The following NRXN3 variants were observed in gnomAD, a reference collection of about 807,000 sequenced individuals.
The protein encoded by NRXN3 is neurexin 3.
NRXN3 carries 32 observed loss-of-function variants against 137.6 expected under a neutral mutation model. That is an observed-to-expected ratio of 0.23 (90% CI 0.18 to 0.31). The LOEUF is 0.31. NRXN3 is among the 10% of genes least tolerant of loss of function. The pLI, the probability that NRXN3 is intolerant of heterozygous loss-of-function variation, is 1.00. For missense variants in NRXN3, 1,574 were observed against 2,062.5 expected (o/e 0.76, Z 4.59); for synonymous variants, 798 against 784.5 (o/e 1.02, Z -0.29).
In NRXN3 at chr14:78,633,251, C is replaced by CAAAAAAAAAAAAA. The variant is rs779442429; in HGVS notation, c.758-11864_758-11852dup. ...CCTGGGCTACAGAGCGAGACTCTGT[C>CAAAAAAAAAAAAA]AAAAAAAAAAAAAAAAAGAGACTGG... On this transcript the variant is annotated intron_variant, in intron 4 of 20. Coordinates refer to ENST00000335750, the MANE Select transcript of NRXN3 (RefSeq NM_001330195.2). 8.2e-3 allele frequency among the ~76,000 whole-genome samples: 559 copies of CAAAAAAAAAAAAA among 67,954 alleles called. 24 individuals are homozygous for CAAAAAAAAAAAAA. The highest frequency in any genetic ancestry group is 0.025 in the Middle Eastern group (3 of 122). The allele number at this position is 67,954 out of a possible 152,430, so 44.6% of individuals were successfully genotyped here.
intron 17 of NRXN3, among the ~76,000 whole-genome samples, chr14:79,674,396 TTTTAC>T (rs2098629519): frequency 6.6e-6 from 1 of 152,056 alleles, no homozygotes; most frequent in Non-Finnish European, 1.5e-5. Context: ...TCGTACCTTA[TTTTAC>T]TTAGTGTCAT....
At chr14:78,473,307 C>A (rs2095315472) in intron 4 of NRXN3, among the ~76,000 whole-genome samples, 1 of 150,464 alleles carries the variant, frequency 6.6e-6, no homozygotes, top group African/African-American at 2.4e-5. Context: ...GAGGCTGAGG[C>A]AGGAGAATGG....
chr14:79,026,951 TA>T (rs1268931940), intron 15 of NRXN3, among the ~76,000 whole-genome samples: 18 of 190 alleles, frequency 0.095, no homozygotes, highest in African/African-American at 0.16. Flanking sequence ...ATTATAATTT[TA>T]TATATATATA....
At chr14:79,735,355 A>G (rs1046625830) in intron 19 of NRXN3, among the ~76,000 whole-genome samples, 2 of 152,206 alleles carry the variant, frequency 1.3e-5, no homozygotes, top group South Asian at 2.1e-4. Flanking sequence ...TTTTTTCCAC[A>G]GCAAAAAATA....
intron 16 of NRXN3, among the ~76,000 whole-genome samples, chr14:79,596,835 G>A (rs1268623627): frequency 6.6e-6 from 1 of 152,126 alleles, no homozygotes; most frequent in Non-Finnish European, 1.5e-5. Flanking sequence ...GATGCCCTTT[G>A]GATTTAGGCA....
intron 15 of NRXN3, among the ~76,000 whole-genome samples, chr14:79,368,409 CA>C (rs2153430286): frequency 6.6e-6 from 1 of 152,288 alleles, no homozygotes; most frequent in African/African-American, 2.4e-5. Flanking sequence ...GCTAGAAATG[CA>C]TATGAATTAT....
intron 4 of NRXN3, among the ~76,000 whole-genome samples, chr14:78,372,394 A>C (rs2087015216): frequency 6.6e-6 from 1 of 151,478 alleles, no homozygotes; most frequent in African/African-American, 2.4e-5. Context: ...GCTGGAGTGC[A>C]GTTCACTGCA....
chr14:78,406,168 T>C (rs7158579), intron 4 of NRXN3, among the ~76,000 whole-genome samples: 151,960 of 152,330 alleles, frequency 1, 75,796 homozygotes, highest in Middle Eastern at 1. Flanking sequence ...AGATGGGCTT[T>C]GAAGCATGAG....
In NRXN3 at chr14:79,864,994, A is replaced by G. The variant is rs942772172; in HGVS notation, c.*3030A>G. On this transcript the variant is annotated 3_prime_UTR_variant, in exon 21 of 21. Transcript: ENST00000335750. ...TCTCGATCTCCTGACCTCGTAATCC[A>G]CCCGCCTCGGCCTCCCAAAGTGCTG... 6.6e-6 allele frequency: 1 copy of G among 151,370 alleles called. No homozygotes were observed. The highest frequency in any genetic ancestry group is 2.4e-5 in the African/African-American group (1 of 41,174). 9.4% of individuals were successfully genotyped at this position (151,370 alleles called of 1,614,324 possible).
intron 8 of NRXN3, among the ~76,000 whole-genome samples, chr14:78,787,046 T>A (rs546257646): frequency 6.6e-6 from 1 of 152,310 alleles, no homozygotes; most frequent in South Asian, 2.1e-4. Context: ...TGATTTTACT[T>A]TAATCAGTTT....
intron 16 of NRXN3, among the ~76,000 whole-genome samples, chr14:79,624,964 T>G (rs2098267754): frequency 6.6e-6 from 1 of 151,990 alleles, no homozygotes; most frequent in Non-Finnish European, 1.5e-5. Context: ...CCACCACACC[T>G]GGCTAATTGT....
intron 14 of NRXN3, among the ~76,000 whole-genome samples, chr14:78,978,247 G>A (rs1199726992): frequency 6.6e-6 from 1 of 152,078 alleles, no homozygotes; most frequent in African/African-American, 2.4e-5. Context: ...TAAGGCATAG[G>A]TCCTGACTTC....
At chr14:78,879,831 A>T (rs921555391) in intron 10 of NRXN3, among the ~76,000 whole-genome samples, 2 of 152,032 alleles carry the variant, frequency 1.3e-5, no homozygotes, top group Non-Finnish European at 2.9e-5. Context: ...ATTTTTTTCC[A>T]CAGTAGGTTA....
intron 15 of NRXN3, among the ~76,000 whole-genome samples, chr14:79,337,427 C>A (rs1195929751): frequency 6.6e-6 from 1 of 152,150 alleles, no homozygotes; most frequent in Non-Finnish European, 1.5e-5. Flanking sequence ...GGCAATCCCT[C>A]ACAGATGCAG....
intron 15 of NRXN3, among the ~76,000 whole-genome samples, chr14:79,089,070 A>G (rs904694663): frequency 2.0e-5 from 3 of 152,048 alleles, no homozygotes; most frequent in African/African-American, 7.2e-5. Context: ...AGAGGAATTC[A>G]ACTCCTTCTT....
intron 15 of NRXN3, among the ~76,000 whole-genome samples, chr14:79,404,112 A>AT (rs2095263885): frequency 6.6e-6 from 1 of 152,178 alleles, no homozygotes; most frequent in Non-Finnish European, 1.5e-5. Context: ...ATGAGATCTA[A>AT]TTAAACTAAA....
chr14:78,960,101 G>A (rs17108420), intron 11 of NRXN3, among the ~76,000 whole-genome samples: 8,468 of 152,202 alleles, frequency 0.056, 800 homozygotes, highest in African/African-American at 0.19. Flanking sequence ...GCCAAGTCAC[G>A]AAATGCCATT....
At chr14:78,792,816 A>T (rs1292691980) in intron 8 of NRXN3, among the ~76,000 whole-genome samples, 1 of 152,222 alleles carries the variant, frequency 6.6e-6, no homozygotes, top group Non-Finnish European at 1.5e-5. Context: ...TGCAACCATA[A>T]TGTAACTCAA....
intron 20 of NRXN3, among the ~76,000 whole-genome samples, chr14:79,843,814 G>T (rs2099361310): frequency 6.6e-6 from 1 of 152,066 alleles, no homozygotes; most frequent in Non-Finnish European, 1.5e-5. Context: ...GCATGGATAA[G>T]TTCTGTAGTG....
Sources: allele counts gnomAD v4.1 joint callset (sites outside exome capture counted in the v4.1 genomes callset), GRCh38; gene constraint gnomAD v4.1.1; transcripts MANE v1.5; gene names NCBI Gene and HGNC (gene_info 2026-07-23, HGNC 2026-07-21).